Variants in DPF3 observed in about 807,000 individuals in gnomAD.
DPF3 encodes zinc finger protein DPF3.
A neutral mutation model predicts 56.8 loss-of-function variants in DPF3; 18 were observed. The ratio of observed to expected loss-of-function variants is 0.32; its 90% CI spans 0.22 to 0.47. The LOEUF (loss-of-function observed/expected upper bound fraction) is 0.47, where lower values mean the gene tolerates loss of function less well. DPF3 is among the 20% of genes least tolerant of loss of function. DPF3 has a pLI of 1.00. For missense variants in DPF3, 403 were observed against 488.8 expected (o/e 0.82, Z 1.65); for synonymous variants, 188 against 180.2 (o/e 1.04, Z -0.35).
At chr14:72,824,661 G>A (rs34500622) in intron 1 of DPF3, among the ~76,000 whole-genome samples, 12,547 of 151,092 alleles carry the variant, frequency 0.083, 706 homozygotes, top group South Asian at 0.17. Context: ...TCTGCCTCCC[G>A]GGTTCAGTTC....
intron 1 of DPF3, among the ~76,000 whole-genome samples, chr14:72,810,176 G>A (rs1026809277): frequency 8.5e-5 from 13 of 152,324 alleles, no homozygotes; most frequent in African/African-American, 1.4e-4. Flanking sequence ...AGAGGGCAGC[G>A]GAGTGCTGAG....
At chr14:72,858,169 AT>A (rs1234812978) in intron 1 of DPF3, among the ~76,000 whole-genome samples, 2 of 152,024 alleles carry the variant, frequency 1.3e-5, no homozygotes, top group African/African-American at 4.8e-5. Flanking sequence ...TTAGCCAGGT[AT>A]GGTGGCATAC....
At position 72,805,094 on chromosome 14, in the gene DPF3, A is replaced by T. The variant is rs1325225929; in HGVS notation, c.33-33201T>A. 2.0e-5 allele frequency among the ~76,000 whole-genome samples: 3 copies of T among 152,294 alleles called. No individual in the cohort carries two copies. The East Asian group carries it at 5.8e-4, about 29-fold the overall frequency. ...AACACACAGACACACACACACTTCT[A>T]AATACAAGGTGCAGCCCCAGCCTCC... On this transcript the variant is annotated intron_variant, in intron 1 of 10. Coordinates refer to ENST00000556509, the MANE Select transcript of DPF3 (RefSeq NM_001280542.3).
intron 1 of DPF3, among the ~76,000 whole-genome samples, chr14:72,803,259 G>A (rs559955672): frequency 2.7e-4 from 41 of 152,300 alleles, no homozygotes; most frequent in African/African-American, 9.9e-4. Context: ...GAAGTGTGAA[G>A]ACCGTGGCTT....
chr14:72,749,184 A>C (rs1454839407), intron 3 of DPF3, among the ~76,000 whole-genome samples: 1 of 152,246 alleles, frequency 6.6e-6, no homozygotes, highest in African/African-American at 2.4e-5. Context: ...GCCCAAGATC[A>C]TGGGAACTCA....
At chr14:72,722,218 A>C (rs1330606090) in intron 5 of DPF3, among the ~76,000 whole-genome samples, 1 of 152,170 alleles carries the variant, frequency 6.6e-6, no homozygotes. Context: ...AATCAACAAA[A>C]AGTAGGAGAA....
At chr14:72,849,190 C>G (rs4903072) in intron 1 of DPF3, among the ~76,000 whole-genome samples, 1 of 151,970 alleles carries the variant, frequency 6.6e-6, no homozygotes, top group Admixed American at 6.5e-5. Context: ...CAATATTCCC[C>G]ACTATGGTTA....
chr14:72,732,710 G>A (rs1177322622), intron 3 of DPF3, among the ~76,000 whole-genome samples: 3 of 152,120 alleles, frequency 2.0e-5, no homozygotes, highest in Admixed American at 6.5e-5. Context: ...GTGGCAACCC[G>A]AGCCAGCCCT....
chr14:72,660,045 G>A (rs1429840325), intron 8 of DPF3, among the ~76,000 whole-genome samples: 2 of 152,164 alleles, frequency 1.3e-5, no homozygotes, highest in African/African-American at 4.8e-5. Flanking sequence ...CCAGGAGCTG[G>A]GGAGGGAATG....
chr14:72,785,476 T>A (rs34952982), intron 1 of DPF3, among the ~76,000 whole-genome samples: 1,889 of 152,308 alleles, frequency 0.012, 22 homozygotes, highest in Middle Eastern at 0.02. Flanking sequence ...GCCACTGCAC[T>A]GTCAGCCTCT....
At chr14:72,763,650 A>C (rs938876764) in intron 2 of DPF3, among the ~76,000 whole-genome samples, 1 of 152,220 alleles carries the variant, frequency 6.6e-6, no homozygotes, top group Non-Finnish European at 1.5e-5. Context: ...AAAAAAAATA[A>C]GAGAAACCCT....
At chr14:72,837,748 AAAAAG>A (rs1251932519) in intron 1 of DPF3, among the ~76,000 whole-genome samples, 4 of 152,194 alleles carry the variant, frequency 2.6e-5, no homozygotes, top group Non-Finnish European at 4.4e-5. Context: ...GAAAAAATAA[AAAAAG>A]AAAAGAAAGA....
chr14:72,861,727 A>AAGAAAG (rs1555513975), intron 1 of DPF3, among the ~76,000 whole-genome samples: 8 of 90,344 alleles, frequency 8.9e-5, no homozygotes, highest in South Asian at 3.9e-4. Context: ...AAGAGAGAGA[A>AAGAAAG]AGAAAGAAAG....
intron 3 of DPF3, among the ~76,000 whole-genome samples, chr14:72,749,213 C>T (rs1890453262): frequency 6.6e-6 from 1 of 152,240 alleles, no homozygotes; most frequent in Non-Finnish European, 1.5e-5. Flanking sequence ...ATCAGCATGA[C>T]CTGGATATGA....
At chr14:72,852,585 T>C (rs1171950566) in intron 1 of DPF3, among the ~76,000 whole-genome samples, 1 of 152,244 alleles carries the variant, frequency 6.6e-6, no homozygotes, top group Non-Finnish European at 1.5e-5. Flanking sequence ...TCACAGCCTG[T>C]CGCCATGATT....
At position 72,860,836 on chromosome 14, in the gene DPF3, G is replaced by A. The variant is rs913537004; in HGVS notation, c.32+33221C>T. 3.9e-5 allele frequency among the ~76,000 whole-genome samples: 6 copies of A among 152,120 alleles called. No homozygotes were observed. In the East Asian group the frequency reaches 5.8e-4, roughly 15 times the overall value. ...CCACCTCAGCCTCCCAAAGTGCTGG[G>A]ATTACAGGCATGAGCCACCACGCCC... is the stretch of plus-strand genomic sequence containing the variant. On this transcript the variant is annotated intron_variant, in intron 1 of 10. Coordinates refer to ENST00000556509, the MANE Select transcript of DPF3 (RefSeq NM_001280542.3).
At chr14:72,796,080 ATC>A (rs1892635489) in intron 1 of DPF3, among the ~76,000 whole-genome samples, 1 of 152,194 alleles carries the variant, frequency 6.6e-6, no homozygotes, top group African/African-American at 2.4e-5. Flanking sequence ...CATTACTGAA[ATC>A]TCTCAGGTGA....
Position 72,828,401 on chromosome 14 carries a change from T to C in DPF3, c.33-56508A>G, listed in dbSNP as rs115302144. 4.9e-3 allele frequency among the ~76,000 whole-genome samples: 739 copies of C among 151,914 alleles called. 7 individuals are homozygous for C. Among genetic ancestry groups the C allele is most frequent in the African/African-American group, 0.017 (723 of 41,424 alleles). ...TTAAAAGATTATCATGGGCCAGGTG[T>C]GGTGCTCACACCTATAATCTCAACA... On this transcript the variant is annotated intron_variant, in intron 1 of 10. Coordinates refer to ENST00000556509, the MANE Select transcript of DPF3 (RefSeq NM_001280542.3).
intron 2 of DPF3, among the ~76,000 whole-genome samples, chr14:72,766,317 G>A (rs971991017): frequency 6.6e-6 from 1 of 152,152 alleles, no homozygotes; most frequent in African/African-American, 2.4e-5. Context: ...ACAGACATAA[G>A]AAATAACTGA....
Sources: allele counts gnomAD v4.1 joint callset (sites outside exome capture counted in the v4.1 genomes callset), GRCh38; gene constraint gnomAD v4.1.1; transcripts MANE v1.5; gene names NCBI Gene and HGNC (gene_info 2026-07-23, HGNC 2026-07-21).